The following ZNF257 variants were observed in gnomAD, a reference collection of about 807,000 sequenced individuals.
ZNF257 encodes zinc finger protein 257, also known as bone marrow zinc finger 4.
In ZNF257, 12 loss-of-function variants were observed where a neutral mutation model predicts 11.9. That is an observed-to-expected ratio of 1.01 (90% CI 0.65 to 1.63). The LOEUF (loss-of-function observed/expected upper bound fraction) is 1.63. Among genes scored for constraint, ZNF257 ranks in the 40% most tolerant of loss-of-function variants. ZNF257 has a pLI of 0.00. For missense variants in ZNF257, 580 were observed against 665.5 expected (o/e 0.87, Z 1.41); for synonymous variants, 183 against 222.7 (o/e 0.82, Z 1.59).
At position 22,089,551 on chromosome 19, in the gene ZNF257, A is replaced by G. The variant is rs925198836; in HGVS notation, c.*109A>G. ...ATAGAGAAACCCTACAAATGTGAAG[A>G]ACGTGGCCTGGCTTTTAACAAATCC... On this transcript the variant is annotated 3_prime_UTR_variant, in exon 4 of 4. Coordinates refer to ENST00000594947, the MANE Select transcript of ZNF257 (RefSeq NM_033468.4). The G allele has an allele frequency of 7.5e-5, 111 of 1,486,572 alleles. No homozygotes were observed. Among genetic ancestry groups the G allele is most frequent in the Non-Finnish European group, 9.2e-5 (103 of 1,123,942 alleles). The allele number at this position is 1,486,572 out of a possible 1,614,324, so 92.1% of individuals were successfully genotyped here. A position where few individuals can be genotyped will look rare whatever the true frequency, so the allele number is the denominator to read the frequency against.
At chr19:22,060,508 A>C in intron 1 of ZNF257, 1 of 135,580 alleles carries the variant, frequency 7.4e-6, no homozygotes, top group Admixed American at 8.0e-5. Context: ...TTTTTCCGAG[A>C]TGGAGTCTTG....
intron 1 of ZNF257, among the ~76,000 whole-genome samples, chr19:22,065,067 A>G (rs1043069834): frequency 4.6e-5 from 7 of 150,940 alleles, no homozygotes; most frequent in African/African-American, 1.7e-4. Context: ...AAAAAAAAAA[A>G]GTATTTTCTA....
intron 3 of ZNF257, among the ~76,000 whole-genome samples, chr19:22,086,529 A>T (rs1267746926): frequency 6.6e-6 from 1 of 151,962 alleles, no homozygotes; most frequent in Non-Finnish European, 1.5e-5. Context: ...TTATATGATT[A>T]TGTGTTGATT....
intron 1 of ZNF257, chr19:22,066,105 CA>C (rs2021937576): frequency 6.6e-6 from 1 of 152,572 alleles, no homozygotes; most frequent in Admixed American, 6.6e-5. Flanking sequence ...TTATTTCTCT[CA>C]ATAAAATCTT....
chr19:22,059,638 C>A (rs796519278), intron 1 of ZNF257, among the ~76,000 whole-genome samples: 1 of 82,662 alleles, frequency 1.2e-5, no homozygotes, highest in East Asian at 3.9e-4. Flanking sequence ...GATTTTGTTT[C>A]TTTTCTTTTT....
At chr19:22,077,399 A>G (rs2022253284) in intron 3 of ZNF257, among the ~76,000 whole-genome samples, 1 of 152,056 alleles carries the variant, frequency 6.6e-6, no homozygotes, top group Admixed American at 6.6e-5. Flanking sequence ...TCCATCTTGT[A>G]AAACTAAAAC....
At chr19:22,082,717 C>T (rs554416858) in intron 3 of ZNF257, among the ~76,000 whole-genome samples, 8 of 152,112 alleles carry the variant, frequency 5.3e-5, no homozygotes, top group African/African-American at 1.4e-4. Flanking sequence ...ATATATTGAT[C>T]GACTTGATGC....
chr19:22,061,804 G>A (rs2021801987), intron 1 of ZNF257, among the ~76,000 whole-genome samples: 1 of 151,716 alleles, frequency 6.6e-6, no homozygotes, highest in South Asian at 2.1e-4. Context: ...TTTGAAGTAT[G>A]TACCTTCAAT....
chr19:22,069,628 CAA>C (rs60118865), intron 1 of ZNF257, among the ~76,000 whole-genome samples: 1 of 136,304 alleles, frequency 7.3e-6, no homozygotes, highest in African/African-American at 2.6e-5. Context: ...GTCTTAAAAA[CAA>C]AAAAACAATA....
At chr19:22,054,357 G>A (rs1246486219) in intron 1 of ZNF257, among the ~76,000 whole-genome samples, 10 of 152,162 alleles carry the variant, frequency 6.6e-5, no homozygotes, top group Admixed American at 1.3e-4. Context: ...GGAGTGAGCC[G>A]CGTCCGGCCT....
At position 22,089,173 on chromosome 19, in the gene ZNF257, A is replaced by G. The variant is rs1326359001; in HGVS notation, c.1423A>G (p.Thr475Ala). 6.2e-7 allele frequency: 1 copy of G among 1,613,728 alleles called. No individual in the cohort carries two copies. The highest frequency in any genetic ancestry group is 1.3e-5 in the African/African-American group (1 of 74,934). The change falls in exon 4 of 4, where the codon ACT becomes GCT. Residue 475 changes from threonine to alanine, a missense_variant. Physicochemically the swap from Thr to Ala is moderately conservative, Grantham distance 58. Coordinates refer to ENST00000594947, the MANE Select transcript of ZNF257 (RefSeq NM_033468.4). ...GKAFNQSSHL[T>A]QHKIIHTGEK... ...AGCCTTTAACCAGTCTTCACACCTTACTCAACATAAAATAATTCATACTGG... is the reference window on the plus strand; with the variant it reads ...AGCCTTTAACCAGTCTTCACACCTTGCTCAACATAAAATAATTCATACTGG...
At chr19:22,084,780 A>T (rs1411202369) in intron 3 of ZNF257, among the ~76,000 whole-genome samples, 2 of 146,172 alleles carry the variant, frequency 1.4e-5, no homozygotes, top group African/African-American at 5.1e-5. Context: ...TGCCCAGGCT[A>T]GGGTGCAGTG....
intron 3 of ZNF257, among the ~76,000 whole-genome samples, chr19:22,083,371 C>T (rs1471404468): frequency 4.6e-5 from 7 of 151,860 alleles, no homozygotes; most frequent in East Asian, 1.9e-4. Context: ...CTCAGGAAGC[C>T]GAGACAGGAG....
intron 1 of ZNF257, among the ~76,000 whole-genome samples, chr19:22,055,406 A>G (rs2021603861): frequency 6.6e-6 from 1 of 152,016 alleles, no homozygotes; most frequent in Non-Finnish European, 1.5e-5. Context: ...GGGTTTCGCC[A>G]TGTTGGCCAG....
chr19:22,080,136 C>T (rs748450215), intron 3 of ZNF257, among the ~76,000 whole-genome samples: 20 of 150,902 alleles, frequency 1.3e-4, no homozygotes, highest in East Asian at 5.9e-4. Flanking sequence ...TGCATTACCA[C>T]GTCTGGCTAA....
chr19:22,085,500 A>G (rs1189135878), intron 3 of ZNF257, among the ~76,000 whole-genome samples: 1 of 151,954 alleles, frequency 6.6e-6, no homozygotes, highest in Non-Finnish European at 1.5e-5. Flanking sequence ...TATCTGTGTT[A>G]GAAATACTTG....
intron 3 of ZNF257, among the ~76,000 whole-genome samples, chr19:22,080,799 G>A (rs575437281): frequency 1.3e-5 from 2 of 150,760 alleles, no homozygotes; most frequent in African/African-American, 2.4e-5. Flanking sequence ...ATATTTTGGA[G>A]CCCTGATATT....
intron 1 of ZNF257, among the ~76,000 whole-genome samples, chr19:22,070,650 T>G (rs2022081420): frequency 1.3e-5 from 2 of 152,146 alleles, no homozygotes; most frequent in South Asian, 4.1e-4. Flanking sequence ...TGGAGAGTGG[T>G]TGTCTTCATT....
At chr19:22,056,054 C>CAA (rs139730834) in intron 1 of ZNF257, among the ~76,000 whole-genome samples, 1,411 of 116,416 alleles carry the variant, frequency 0.012, 26 homozygotes, top group South Asian at 0.037. Context: ...GACTCCGTCT[C>CAA]AAAAAAAAAA....
Sources: gnomAD v4.1 joint callset for allele counts (sites outside exome capture counted in the v4.1 genomes callset) on GRCh38, gnomAD v4.1.1 for gene constraint, MANE v1.5 for transcripts, NCBI Gene and HGNC (gene_info 2026-07-23, HGNC 2026-07-21) for gene names.